Variants in SLC24A2 observed in about 807,000 individuals in gnomAD.
The protein encoded by SLC24A2 is solute carrier family 24 member 2.
Under a neutral mutation model 62.0 loss-of-function variants are expected in SLC24A2, and 36 were observed. The ratio of observed to expected loss-of-function variants is 0.58; its 90% CI spans 0.44 to 0.77. SLC24A2 has a LOEUF of 0.77. Among genes scored for constraint, SLC24A2 ranks in the 30% least tolerant of loss-of-function variants. The probability of loss-of-function intolerance (pLI) is 0.00; values close to 1 mark genes in which losing one functional copy is unlikely to be tolerated. For synonymous variants in SLC24A2, 358 were observed against 294.0 expected (o/e 1.22, Z -2.23); for missense variants, 846 against 817.9 (o/e 1.03, Z -0.42).
At chr9:19,999,627 G>T in the SLC24A2 span, among the ~76,000 whole-genome samples, 1 of 152,176 alleles carries the variant, frequency 6.6e-6, no homozygotes, top group Non-Finnish European at 1.5e-5. Flanking sequence ...GAAGGATGTG[G>T]TCTAAATAGA....
chr9:20,226,809 T>A, the SLC24A2 span, among the ~76,000 whole-genome samples: 1 of 152,196 alleles, frequency 6.6e-6, no homozygotes, highest in Non-Finnish European at 1.5e-5. Flanking sequence ...TCTCTATCAA[T>A]CATGAGTGTG....
chr9:19,948,038 G>C, the SLC24A2 span, among the ~76,000 whole-genome samples: 1 of 152,116 alleles, frequency 6.6e-6, no homozygotes, highest in African/African-American at 2.4e-5. Flanking sequence ...GCCTGTAACA[G>C]AGCAATCATC....
intron 7 of SLC24A2, among the ~76,000 whole-genome samples, chr9:19,567,043 G>A (rs1835680506): frequency 6.6e-6 from 1 of 151,814 alleles, no homozygotes; most frequent in Admixed American, 6.6e-5. Flanking sequence ...CACCAACATG[G>A]CACATGTATA....
At chr9:19,850,340 T>G in the SLC24A2 span, among the ~76,000 whole-genome samples, 18 of 152,122 alleles carry the variant, frequency 1.2e-4, no homozygotes, top group African/African-American at 4.3e-4. Context: ...CAAGGAAAAG[T>G]TCAGGAGTAG....
chr9:19,930,356 T>C, the SLC24A2 span, among the ~76,000 whole-genome samples: 7 of 152,228 alleles, frequency 4.6e-5, no homozygotes, highest in Admixed American at 3.9e-4. Flanking sequence ...CAATTGCCTG[T>C]AGTATTGAGA....
chr9:19,721,226 A>T (rs1821016608), intron 2 of SLC24A2, among the ~76,000 whole-genome samples: 1 of 152,152 alleles, frequency 6.6e-6, no homozygotes, highest in African/African-American at 2.4e-5. Context: ...TTAAAAATAC[A>T]ACTCACCTGG....
intron 2 of SLC24A2, among the ~76,000 whole-genome samples, chr9:19,717,396 G>C (rs1820890059): frequency 6.6e-6 from 1 of 152,140 alleles, no homozygotes; most frequent in Admixed American, 6.5e-5. Flanking sequence ...GGAATGAAAT[G>C]GTTAGGTAAG....
the SLC24A2 span, among the ~76,000 whole-genome samples, chr9:20,186,941 G>A: frequency 6.6e-6 from 1 of 152,256 alleles, no homozygotes; most frequent in South Asian, 2.1e-4. Flanking sequence ...GGAGCATGGG[G>A]ATCAAGTTCT....
chr9:19,636,331 C>CTTTCTTTCTTTCTTTCT (rs1564009845), intron 2 of SLC24A2, among the ~76,000 whole-genome samples: 2 of 19,576 alleles, frequency 1.0e-4, no homozygotes, highest in Non-Finnish European at 2.1e-4. Flanking sequence ...TTCTTTCTTT[C>CTTTCTTTCTTTCTTTCT]TTTCTTTCTT....
the SLC24A2 span, among the ~76,000 whole-genome samples, chr9:20,158,739 A>G: frequency 6.5e-4 from 98 of 151,748 alleles, 1 homozygote; most frequent in African/African-American, 2.2e-3. Flanking sequence ...CAAGGCAAAG[A>G]AGACTTGGTG....
At chr9:20,157,357 C>G in the SLC24A2 span, among the ~76,000 whole-genome samples, 1 of 151,686 alleles carries the variant, frequency 6.6e-6, no homozygotes, top group South Asian at 2.1e-4. Context: ...TTTAAAATTT[C>G]TACAGAGCTC....
chr9:20,103,108 C>G, the SLC24A2 span, among the ~76,000 whole-genome samples: 1 of 152,230 alleles, frequency 6.6e-6, no homozygotes, highest in Non-Finnish European at 1.5e-5. Flanking sequence ...GCAAAGCAGT[C>G]TGAGATCAAA....
At chr9:20,099,443 C>G in the SLC24A2 span, among the ~76,000 whole-genome samples, 2 of 152,136 alleles carry the variant, frequency 1.3e-5, no homozygotes, top group Non-Finnish European at 2.9e-5. Flanking sequence ...TGACTTTTCT[C>G]TTTGTTCACC....
chr9:19,597,334 C>G, intron 4 of SLC24A2, 55 bp from the exon 5 acceptor site: 1 of 1,197,702 alleles, frequency 8.3e-7, no homozygotes, highest in Non-Finnish European at 1.2e-6. Flanking sequence ...AATGCAAGAA[C>G]TTTGTTTTTA....
chr9:19,721,831 T>C (rs1031536758), intron 2 of SLC24A2, among the ~76,000 whole-genome samples: 1 of 152,172 alleles, frequency 6.6e-6, no homozygotes. Context: ...AGCCTTTATG[T>C]TTGTGTATTG....
At chr9:20,155,728 A>T in the SLC24A2 span, among the ~76,000 whole-genome samples, 1 of 151,808 alleles carries the variant, frequency 6.6e-6, no homozygotes, top group African/African-American at 2.4e-5. Context: ...ACTCTTTCAG[A>T]TGCCATCAAC....
chr9:19,710,781 G>T (rs550670724), intron 2 of SLC24A2, among the ~76,000 whole-genome samples: 1 of 152,236 alleles, frequency 6.6e-6, no homozygotes, highest in African/African-American at 2.4e-5. Context: ...CTGGCCACAG[G>T]TCGAGAAAGA....
At chr9:19,892,781 G>A in the SLC24A2 span, among the ~76,000 whole-genome samples, 1 of 152,062 alleles carries the variant, frequency 6.6e-6, no homozygotes, top group Non-Finnish European at 1.5e-5. Flanking sequence ...GAGAACAAGA[G>A]TGAATTTTGG....
intron 2 of SLC24A2, among the ~76,000 whole-genome samples, chr9:19,715,425 A>G (rs1820830420): frequency 6.6e-6 from 1 of 152,174 alleles, no homozygotes; most frequent in Non-Finnish European, 1.5e-5. Context: ...TTGAAATAAT[A>G]TTTCCCTGAA....
Sources: gnomAD v4.1 joint callset for allele counts (sites outside exome capture counted in the v4.1 genomes callset) on GRCh38, gnomAD v4.1.1 for gene constraint, MANE v1.5 for transcripts, NCBI Gene and HGNC (gene_info 2026-07-23, HGNC 2026-07-21) for gene names.